PARD3: variants seen among roughly 807,000 people sequenced by gnomAD.
The protein encoded by PARD3 is partitioning defective 3 homolog.
PARD3 carries 75 observed loss-of-function variants against 155.4 expected under a neutral mutation model. The ratio of observed to expected loss-of-function variants is 0.48; its 90% CI spans 0.40 to 0.58. The LOEUF is 0.58. Among genes scored for constraint, PARD3 ranks in the 20% least tolerant of loss-of-function variants. PARD3 has a pLI of 0.00. For synonymous variants in PARD3, 576 were observed against 610.5 expected (o/e 0.94, Z 0.83); for missense variants, 1,642 against 1,721.7 (o/e 0.95, Z 0.82).
rs2094165905 is a variant in PARD3, at chr10:34,696,077, G to GTTTACAC, written c.222+240_222+241insGTGTAAA. The stretch of plus-strand genomic sequence containing the variant: ...TTTGTGATATTTCCATTGTAAAAGT[G>GTTTACAC]TAGTTTTAAAACCCCAAAACCTAGT... On this transcript the variant is annotated intron_variant, in intron 2 of 24. Coordinates refer to ENST00000374788, the MANE Select transcript of PARD3 (RefSeq NM_001184785.2). 2.0e-5 allele frequency among the ~76,000 whole-genome samples: 3 copies of GTTTACAC among 152,272 alleles called. No individual in the cohort carries two copies. The South Asian group carries it at 6.2e-4, about 32-fold the overall frequency.
At chr10:34,774,408 C>G (rs2134117601) in intron 1 of PARD3, among the ~76,000 whole-genome samples, 1 of 152,254 alleles carries the variant, frequency 6.6e-6, no homozygotes, top group African/African-American at 2.4e-5. Flanking sequence ...GCTGCATTAC[C>G]TTTCACAAAG....
chr10:34,244,316 A>C (rs369659672), intron 22 of PARD3, among the ~76,000 whole-genome samples: 1 of 152,232 alleles, frequency 6.6e-6, no homozygotes, highest in Non-Finnish European at 1.5e-5. Context: ...TTTCTTACTC[A>C]GGAAACATTT....
intron 20 of PARD3, among the ~76,000 whole-genome samples, chr10:34,306,775 T>C (rs79308303): frequency 0.079 from 12,096 of 152,250 alleles, 611 homozygotes; most frequent in Non-Finnish European, 0.11. Flanking sequence ...GGCAGTGACA[T>C]TGCCTTCCAA....
intron 3 of PARD3, among the ~76,000 whole-genome samples, chr10:34,488,000 CA>C (rs1321541110): frequency 6.6e-6 from 1 of 152,156 alleles, no homozygotes; most frequent in African/African-American, 2.4e-5. Flanking sequence ...ATTATTCCCC[CA>C]TTTCTTTATT....
At chr10:34,222,420 C>G (rs1300647847) in intron 22 of PARD3, among the ~76,000 whole-genome samples, 1 of 152,212 alleles carries the variant, frequency 6.6e-6, no homozygotes, top group Non-Finnish European at 1.5e-5. Flanking sequence ...TAGGGACTGA[C>G]AGCATGAGGC....
intron 22 of PARD3, among the ~76,000 whole-genome samples, chr10:34,156,940 GAAA>G (rs1265395635): frequency 6.6e-6 from 1 of 152,084 alleles, no homozygotes; most frequent in Non-Finnish European, 1.5e-5. Flanking sequence ...TCTTTCAGTG[GAAA>G]AAAGGAGGGG....
chr10:34,482,236 C>T (rs908052783), intron 3 of PARD3, among the ~76,000 whole-genome samples: 2 of 151,710 alleles, frequency 1.3e-5, no homozygotes, highest in East Asian at 3.9e-4. Flanking sequence ...GGTCTCACTT[C>T]GTTGTCTAAG....
intron 20 of PARD3, among the ~76,000 whole-genome samples, chr10:34,311,336 G>A (rs539924887): frequency 1.3e-5 from 2 of 152,154 alleles, no homozygotes; most frequent in Admixed American, 6.5e-5. Flanking sequence ...TCCTGTGCCT[G>A]GAATTACAGG....
Position 34,360,172 on chromosome 10 carries a change from C to A in PARD3, c.1795G>T (p.Ala599Ser), listed in dbSNP as rs749973125. 11 of 1,613,756 alleles carry A rather than the reference C, an allele frequency of 6.8e-6. No homozygotes were observed. Among genetic ancestry groups the A allele is most frequent in the Non-Finnish European group, 8.5e-6 (10 of 1,179,734 alleles). The change falls in exon 13 of 25, where the codon GCA becomes TCA. Residue 599 changes from alanine (A) to serine (S), a missense_variant. This residue lies in a region of PARD3 where 1,529 missense variants were observed against 1,587.3 expected (regional missense o/e 0.96). Transcript: ENST00000374788. ...CCTTTGACACTGACACCAAGGCCTG[C>A]AGATCCTGAATCATTAAGTGGGACT... is the stretch of plus-strand genomic sequence containing the variant. ...FEVPLNDSGS[A>S]GLGVSVKGNR...
At chr10:34,284,291 G>A in intron 20 of PARD3, 46 bp from the exon 21 acceptor site, 1 of 1,132,440 alleles carries the variant, frequency 8.8e-7, no homozygotes, top group Non-Finnish European at 1.3e-6. Context: ...TACAAAATGA[G>A]CTTTCTTTTG....
intron 2 of PARD3, among the ~76,000 whole-genome samples, chr10:34,527,480 G>A (rs1201478896): frequency 6.6e-6 from 1 of 152,160 alleles, no homozygotes; most frequent in Non-Finnish European, 1.5e-5. Flanking sequence ...ATTCTATTAA[G>A]ACATGGGCTG....
intron 1 of PARD3, among the ~76,000 whole-genome samples, chr10:34,758,323 G>A (rs1438089297): frequency 2.6e-5 from 4 of 152,194 alleles, no homozygotes; most frequent in African/African-American, 9.7e-5. Flanking sequence ...AAGAAAGGTA[G>A]TATGCTCCCC....
chr10:34,776,833 T>TTTGGGGG (rs1564608800), intron 1 of PARD3, among the ~76,000 whole-genome samples: 1 of 9,906 alleles, frequency 1.0e-4, no homozygotes, highest in African/African-American at 2.9e-4. Context: ...CGTGTTTTTT[T>TTTGGGGG]GTGGGGGGGG....
chr10:34,189,331 C>A (rs963196012), intron 22 of PARD3, among the ~76,000 whole-genome samples: 17 of 152,128 alleles, frequency 1.1e-4, no homozygotes, highest in African/African-American at 4.1e-4. Context: ...CTCTACATTA[C>A]AAAAATAAAA....
chr10:34,270,140 C>CTTTT (rs3039311), intron 21 of PARD3, among the ~76,000 whole-genome samples: 2 of 121,800 alleles, frequency 1.6e-5, no homozygotes, highest in Admixed American at 8.3e-5. Context: ...TAATTTAAAT[C>CTTTT]TTTTTTTTTT....
In PARD3 at chr10:34,173,003, C is replaced by T. The variant is rs1589014693; in HGVS notation, c.3420-41420G>A. Among the ~76,000 whole-genome samples, 4 of 152,302 alleles carry T rather than the reference C, an allele frequency of 2.6e-5. 1 individual carries two copies. Among genetic ancestry groups the T allele is most frequent in the Admixed American group, 2.6e-4 (4 of 15,306 alleles). On this transcript the variant is annotated intron_variant, in intron 22 of 24. Transcript: ENST00000374788. Reference sequence around the variant, plus strand: ...TCGGGAAATCCTTTTATGAAATCTTCCAAATCACTTCAGACATCAGAGATA... The same window carrying T: ...TCGGGAAATCCTTTTATGAAATCTTTCAAATCACTTCAGACATCAGAGATA...
At chr10:34,306,042 C>G (rs1186806357) in intron 20 of PARD3, among the ~76,000 whole-genome samples, 1 of 151,434 alleles carries the variant, frequency 6.6e-6, no homozygotes, top group African/African-American at 2.4e-5. Flanking sequence ...GCCTGTAATC[C>G]CAGCACTTTG....
At position 34,743,705 on chromosome 10, in the gene PARD3, G is replaced by T. The variant is rs190285019; in HGVS notation, c.121-47286C>A. ...CTGCCAGTGATGGGTATCTGAACTT[G>T]AAGTCATTGTTCCATTTCACATGAA... is the stretch of plus-strand genomic sequence containing the variant. On this transcript the variant is annotated intron_variant, in intron 1 of 24. Coordinates refer to ENST00000374788, the MANE Select transcript of PARD3 (RefSeq NM_001184785.2). 3.3e-5 allele frequency among the ~76,000 whole-genome samples: 5 copies of T among 152,288 alleles called. No homozygotes were observed. The East Asian group carries it at 9.7e-4, about 29-fold the overall frequency.
chr10:34,500,853 T>C (rs2080648533), intron 3 of PARD3, among the ~76,000 whole-genome samples: 1 of 152,078 alleles, frequency 6.6e-6, no homozygotes, highest in Non-Finnish European at 1.5e-5. Flanking sequence ...AGAGGAGAGC[T>C]TGAACAAGAG....
Sources: allele counts gnomAD v4.1 joint callset (sites outside exome capture counted in the v4.1 genomes callset), GRCh38; gene constraint gnomAD v4.1.1; regional missense constraint gnomAD v4.1.1; transcripts MANE v1.5; gene names NCBI Gene and HGNC (gene_info 2026-07-23, HGNC 2026-07-21).